The following PRC1 variants were observed in gnomAD, a reference collection of about 807,000 sequenced individuals.
PRC1 encodes protein regulator of cytokinesis 1.
Under a neutral mutation model 91.2 loss-of-function variants are expected in PRC1, and 54 were observed. The ratio of observed to expected loss-of-function variants is 0.59; its 90% CI spans 0.48 to 0.74. PRC1 has a LOEUF of 0.74. Among genes scored for constraint, PRC1 ranks in the 30% least tolerant of loss-of-function variants. The pLI is 0.00. For synonymous variants in PRC1, 275 were observed against 263.6 expected (o/e 1.04, Z -0.42); for missense variants, 727 against 746.2 (o/e 0.97, Z 0.30).
At chr15:90,976,552 C>G in intron 9 of PRC1, 124 bp downstream of exon 9, 1 of 774,752 alleles carries the variant, frequency 1.3e-6, no homozygotes, top group Non-Finnish European at 2.1e-6. Context: ...AAATATATAA[C>G]TTATTATCTC....
At position 90,967,012 on chromosome 15, in the gene PRC1, C is replaced by A; in HGVS notation, c.*119G>T. ...CACATCTTTAAGTTAGGCCCATGGT[C>A]ATGGAACCTGGCCAAGGTTTCAAGC... On this transcript the variant is annotated 3_prime_UTR_variant, in exon 15 of 15. Coordinates refer to ENST00000394249, the MANE Select transcript of PRC1 (RefSeq NM_003981.4). The A allele has an allele frequency of 1.2e-6, 1 of 852,388 alleles. No homozygotes were observed. The highest frequency in any genetic ancestry group is 1.5e-5 in the South Asian group (1 of 65,450). 52.8% of individuals were successfully genotyped at this position (852,388 alleles called of 1,614,324 possible). A position where few individuals can be genotyped will look rare whatever the true frequency, so the allele number is the denominator to read the frequency against.
At chr15:90,975,570 A>ACTCT (rs5814454) in intron 9 of PRC1, among the ~76,000 whole-genome samples, 1 of 151,742 alleles carries the variant, frequency 6.6e-6, no homozygotes, top group African/African-American at 2.4e-5. Flanking sequence ...AGCCCACAGG[A>ACTCT]CTCTCTCTCA....
rs1218330316 is a variant in PRC1 at position 90,976,692 on chromosome 15, T to C, written c.1187A>G (p.Gln396Arg). ...CATTATTACCTTGGGCAGCATTTTC[T>C]GGAGCTTGGCTCGTTGTTTTTCTTC... ...LKEEKQRAKL[Q>R]KMLPKLEEEL... is the part of the protein sequence containing the mutation. Residue 396 changes from glutamine (Q) to arginine (R), a missense_variant, in exon 9 of 15, where the codon CAG (glutamine) becomes CGG (arginine). By Grantham distance (43) the Gln-to-Arg change is conservative (BLOSUM62 1). Transcript: ENST00000394249. The C allele has an allele frequency of 3.1e-6, 5 of 1,612,506 alleles. No individual in the cohort carries two copies. Among genetic ancestry groups the C allele is most frequent in the Non-Finnish European group, 3.4e-6 (4 of 1,178,664 alleles).
chr15:90,980,585 T>C (rs2039113439), intron 6 of PRC1, 196 bp from the exon 7 acceptor site: 1 of 707,460 alleles, frequency 1.4e-6, no homozygotes, highest in Non-Finnish European at 2.3e-6. Context: ...GTGGCGCGAT[T>C]CTGGCTCACT....
In PRC1 at chr15:90,981,753, T is replaced by C. The variant is rs1454548263; in HGVS notation, c.496A>G (p.Thr166Ala). Residue 166 changes from threonine (T) to alanine (A), a missense_variant, in exon 4 of 15, where the codon ACA becomes GCA. Physicochemically the swap from Thr to Ala is moderately conservative, Grantham distance 58 (BLOSUM62 0). Transcript: ENST00000394249. The part of the protein sequence containing the change: ...FRQHVTTLRE[T>A]KASRREEFVS... ...AACAAATGTAGGCAGTGTACCTTTG[T>C]TTCCCTCAAAGTTGTCACATGTTGC... is the stretch of plus-strand genomic sequence containing the variant. 6.2e-7 allele frequency: 1 copy of C among 1,610,080 alleles called. No homozygotes were observed.
rs895257195 is a variant in PRC1, at chr15:90,981,387, A to G, written c.672+112T>C. ...TATATTACTATCCTTAGCTTCCCTC[A>G]TTCTCTTACCTTACATTGTCTCCTT... is the stretch of plus-strand genomic sequence containing the variant. On this transcript the variant is annotated intron_variant, in intron 5 of 14. Coordinates refer to ENST00000394249, the MANE Select transcript of PRC1 (RefSeq NM_003981.4). The G allele has an allele frequency of 9.4e-6, 12 of 1,279,774 alleles. No individual in the cohort carries two copies. In the Middle Eastern group the frequency reaches 1.8e-3, roughly 194 times the overall value. The allele number at this position is 1,279,774 out of a possible 1,614,324, so 79.3% of individuals were successfully genotyped here. A position where few individuals can be genotyped will look rare whatever the true frequency, so the allele number is the denominator to read the frequency against.
Position 90,982,019 on chromosome 15 carries a change from G to C in PRC1, c.268-38C>G, listed in dbSNP as rs764930276. On this transcript the variant is annotated intron_variant, in intron 3 of 14. Transcript: ENST00000394249. ...ACGTACCACTGTTATAAGATTCCAA[G>C]TGAATTCCTTCAGAGGAAGAGAAGG... The C allele has an allele frequency of 4.7e-5, 74 of 1,570,046 alleles. 1 individual carries two copies. The South Asian group carries it at 5.6e-4, about 12-fold the overall frequency.
At chr15:90,983,918 C>G in intron 3 of PRC1, 100 bp downstream of exon 3, 1 of 1,465,606 alleles carries the variant, frequency 6.8e-7, no homozygotes, top group Non-Finnish European at 9.3e-7. Flanking sequence ...CTAGCTCCAT[C>G]CCTACGAGGA....
In PRC1 at chr15:90,969,762, ACATATATATATATATATATATAT is replaced by A. The variant is rs1393460558; in HGVS notation, c.1573-162_1573-140del. 2.0e-3 allele frequency: 343 copies of A among 173,884 alleles called. 2 individuals are homozygous for A. The highest frequency in any genetic ancestry group is 7.4e-3 in the East Asian group (127 of 17,094). 10.8% of individuals were successfully genotyped at this position (173,884 alleles called of 1,614,324 possible). On this transcript the variant is annotated intron_variant, in intron 12 of 14. Coordinates refer to ENST00000394249, the MANE Select transcript of PRC1 (RefSeq NM_003981.4). ...CCTATACTTTTTAGTTAAAAAAAAA[ACATATATATATATATATATATAT>A]ATATATATATATATATGGGGCTGGG...
At chr15:90,973,711 A>G (rs952767657) in intron 11 of PRC1, among the ~76,000 whole-genome samples, 5 of 151,972 alleles carry the variant, frequency 3.3e-5, no homozygotes, top group Non-Finnish European at 5.9e-5. Flanking sequence ...TCTTTACTAC[A>G]CTGAGATGTT....
chr15:90,975,120 T>A (rs2038558209), intron 9 of PRC1, among the ~76,000 whole-genome samples: 1 of 152,220 alleles, frequency 6.6e-6, no homozygotes, highest in Non-Finnish European at 1.5e-5. Flanking sequence ...AATTTACATT[T>A]TTTTTGAGAC....
chr15:90,979,074 C>A, intron 8 of PRC1, 84 bp downstream of exon 8: 1 of 1,454,786 alleles, frequency 6.9e-7, no homozygotes, highest in Non-Finnish European at 9.2e-7. Context: ...TATCAAAAGC[C>A]TGGCAAAGAA....
At position 90,979,313 on chromosome 15, in the gene PRC1, G is replaced by A; in HGVS notation, c.971-19C>T. On this transcript the variant is annotated intron_variant, in intron 7 of 14. Transcript: ENST00000394249. The stretch of plus-strand genomic sequence containing the variant: ...TAGTCCTCTGCAAAATATAGGCCCA[G>A]TAGTTTAAAACAATTCCTCTAGTAT... 6.3e-7 allele frequency: 1 copy of A among 1,598,996 alleles called. No individual in the cohort carries two copies. Among genetic ancestry groups the A allele is most frequent in the Non-Finnish European group, 8.5e-7 (1 of 1,174,808 alleles).
Position 90,966,435 on chromosome 15 carries a change from T to C in PRC1, c.*696A>G, listed in dbSNP as rs1029236682. The C allele has an allele frequency of 5.4e-6, 2 of 367,484 alleles. No homozygotes were observed. The highest frequency in any genetic ancestry group is 1.1e-5 in the Non-Finnish European group (2 of 179,306). 22.8% of individuals were successfully genotyped at this position (367,484 alleles called of 1,614,324 possible). ...AACTCAGGCAAAGTAGGCACAGGAA[T>C]GGGGGAGATGAGAGCCAAGGGACAA... On this transcript the variant is annotated 3_prime_UTR_variant, in exon 15 of 15. Coordinates refer to ENST00000394249, the MANE Select transcript of PRC1 (RefSeq NM_003981.4).
chr15:90,968,013 A>T (rs2037680509), intron 14 of PRC1: 1 of 985,166 alleles, frequency 1.0e-6, no homozygotes, highest in African/African-American at 1.7e-5. Context: ...GCAGCAAAAG[A>T]TAAAGCATGA....
In PRC1 at chr15:90,984,171, G is replaced by A; in HGVS notation, c.145-31C>T. 6.2e-7 allele frequency: 1 copy of A among 1,606,998 alleles called. No homozygotes were observed. Among genetic ancestry groups the A allele is most frequent in the Non-Finnish European group, 8.5e-7 (1 of 1,176,200 alleles). On this transcript the variant is annotated intron_variant, in intron 2 of 14. Coordinates refer to ENST00000394249, the MANE Select transcript of PRC1 (RefSeq NM_003981.4). This position sits in a 1 kb window ranked among gnomAD's most constrained non-coding sequence, Gnocchi z 5.1. ...AGAGGGAAAACAGTCCATAAGTTTGGGGCAATGGAGGAAAAAAACTCCCAA... is the reference window on the plus strand; with the variant it reads ...AGAGGGAAAACAGTCCATAAGTTTGAGGCAATGGAGGAAAAAAACTCCCAA...
rs1213665490 is a variant in PRC1, at chr15:90,974,670, A to G, written c.1265T>C (p.Met422Thr). ...LWEQEHSKAF[M>T]VNGQKFMEYV... is the part of the protein sequence containing the mutation. ...CTCCATGAATTTCTGCCCATTCACC[A>G]TAAATGCCTTTGAATGTTCCTGTTC... is the stretch of plus-strand genomic sequence containing the variant. Residue 422 changes from methionine to threonine, a missense_variant, in exon 10 of 15, where the codon ATG (methionine) becomes ACG (threonine). Coordinates refer to ENST00000394249, the MANE Select transcript of PRC1 (RefSeq NM_003981.4). The surrounding 1 kb of genome is among the most constrained non-coding windows in gnomAD (Gnocchi z 4.6). The G allele has an allele frequency of 6.2e-7, 1 of 1,614,210 alleles. No individual in the cohort carries two copies. Among genetic ancestry groups the G allele is most frequent in the Admixed American group, 1.7e-5 (1 of 60,026 alleles).
Position 90,994,466 on chromosome 15 carries a change from C to T in PRC1, c.-49G>A. ...AGTCCAGGTCCAGACCTACTCCACACGGCCCCGAGAGCAACAACCACCCGC... is the reference window on the plus strand; with the variant it reads ...AGTCCAGGTCCAGACCTACTCCACATGGCCCCGAGAGCAACAACCACCCGC... On this transcript the variant is annotated 5_prime_UTR_variant, in exon 1 of 15. In the 5' UTR this introduces an upstream ATG that the reference lacks. Transcript: ENST00000394249. 6.3e-7 allele frequency: 1 copy of T among 1,597,052 alleles called. No homozygotes were observed. The highest frequency in any genetic ancestry group is 8.5e-7 in the Non-Finnish European group (1 of 1,171,284).
At chr15:90,993,875 G>GCCAAC (rs1252744596) in intron 1 of PRC1, among the ~76,000 whole-genome samples, 9 of 152,140 alleles carry the variant, frequency 5.9e-5, no homozygotes, top group African/African-American at 2.2e-4. Flanking sequence ...TTGAAGCCAG[G>GCCAAC]AGTTCGAGAC....
Sources: allele counts gnomAD v4.1 joint callset (sites outside exome capture counted in the v4.1 genomes callset), GRCh38; gene constraint gnomAD v4.1.1; non-coding constraint Gnocchi (gnomAD v3.1); transcripts MANE v1.5; gene names NCBI Gene and HGNC (gene_info 2026-07-23, HGNC 2026-07-21).